Variants in PCDH9 observed in about 807,000 individuals in gnomAD.
The protein encoded by PCDH9 is protocadherin-9.
PCDH9 carries 24 observed loss-of-function variants against 70.6 expected under a neutral mutation model. The observed-to-expected ratio is 0.34, with a 90% confidence interval of 0.25 to 0.48. PCDH9 has a LOEUF of 0.48. Ranked by LOEUF, PCDH9 falls within the 20% of genes least tolerant of loss-of-function variation. The pLI, the probability that PCDH9 is intolerant of heterozygous loss-of-function variation, is 0.99. For missense variants in PCDH9, 1,281 were observed against 1,503.6 expected (o/e 0.85, Z 2.45); for synonymous variants, 562 against 558.5 (o/e 1.01, Z -0.09).
chr13:66,482,123 A>G (rs895769205), intron 4 of PCDH9, among the ~76,000 whole-genome samples: 6 of 152,162 alleles, frequency 3.9e-5, no homozygotes, highest in Non-Finnish European at 7.3e-5. Flanking sequence ...GGCACATGTA[A>G]CAGTAACAAT....
chr13:67,089,513 C>T (rs2086174652), intron 2 of PCDH9, among the ~76,000 whole-genome samples: 1 of 151,794 alleles, frequency 6.6e-6, no homozygotes, highest in Non-Finnish European at 1.5e-5. Context: ...TTGCATTAGG[C>T]CATGAATACA....
intron 2 of PCDH9, among the ~76,000 whole-genome samples, chr13:66,944,363 T>G (rs2139688405): frequency 6.6e-6 from 1 of 152,314 alleles, no homozygotes; most frequent in South Asian, 2.1e-4. Context: ...TTTTCATAAA[T>G]ATTTTCAGCT....
intron 4 of PCDH9, among the ~76,000 whole-genome samples, chr13:66,374,514 T>C (rs1956716057): frequency 2.0e-5 from 3 of 152,026 alleles, no homozygotes; most frequent in Non-Finnish European, 4.4e-5. Flanking sequence ...TACACGTTAT[T>C]TAATTTAATT....
intron 4 of PCDH9, among the ~76,000 whole-genome samples, chr13:66,355,149 G>C (rs7329026): frequency 6.6e-6 from 1 of 151,960 alleles, no homozygotes; most frequent in Non-Finnish European, 1.5e-5. Context: ...TCTCACCTTA[G>C]TAATGGCCTT....
intron 2 of PCDH9, among the ~76,000 whole-genome samples, chr13:67,117,988 C>G (rs190463627): frequency 1.3e-5 from 2 of 152,134 alleles, no homozygotes; most frequent in East Asian, 3.9e-4. Context: ...AGTGTAACAT[C>G]GCTCCATAAA....
intron 2 of PCDH9, among the ~76,000 whole-genome samples, chr13:67,094,782 G>C (rs547413706): frequency 2.0e-5 from 3 of 151,366 alleles, no homozygotes; most frequent in Non-Finnish European, 4.4e-5. Context: ...TCTAAATCTT[G>C]TGAATTTTCT....
chr13:66,770,132 G>A (rs1399102021), intron 3 of PCDH9, among the ~76,000 whole-genome samples: 1 of 151,962 alleles, frequency 6.6e-6, no homozygotes, highest in African/African-American at 2.4e-5. Flanking sequence ...TTAGGATAAA[G>A]GCAGAAACAA....
chr13:66,946,693 T>C (rs549448288), intron 2 of PCDH9, among the ~76,000 whole-genome samples: 3 of 152,048 alleles, frequency 2.0e-5, no homozygotes, highest in South Asian at 4.1e-4. Context: ...AAAGGCTTTA[T>C]GGATTTTATG....
intron 4 of PCDH9, among the ~76,000 whole-genome samples, chr13:66,315,828 C>T (rs528780576): frequency 1.3e-5 from 2 of 152,326 alleles, no homozygotes; most frequent in South Asian, 4.1e-4. Context: ...ATTTTCTCAA[C>T]ATTCTATTCA....
At chr13:66,537,173 G>C (rs1960741725) in intron 4 of PCDH9, among the ~76,000 whole-genome samples, 1 of 152,040 alleles carries the variant, frequency 6.6e-6, no homozygotes, top group Admixed American at 6.6e-5. Flanking sequence ...GCCTCGATGA[G>C]AACCACTAGT....
intron 3 of PCDH9, among the ~76,000 whole-genome samples, chr13:66,745,981 C>G (rs2079356610): frequency 6.6e-6 from 1 of 152,152 alleles, no homozygotes; most frequent in Non-Finnish European, 1.5e-5. Flanking sequence ...GTTTCCCCAA[C>G]ATGTGTATTG....
At chr13:66,954,794 C>T (rs2083241298) in intron 2 of PCDH9, among the ~76,000 whole-genome samples, 1 of 152,190 alleles carries the variant, frequency 6.6e-6, no homozygotes, top group Admixed American at 6.5e-5. Context: ...GACGGAGTCT[C>T]GCTCTGTCAC....
At chr13:66,597,127 T>C (rs971162038) in intron 4 of PCDH9, among the ~76,000 whole-genome samples, 7 of 151,722 alleles carry the variant, frequency 4.6e-5, no homozygotes, top group Non-Finnish European at 1.0e-4. Context: ...AACTAGTCAA[T>C]GGATAGACAT....
At chr13:67,104,342 G>A (rs919328302) in intron 2 of PCDH9, among the ~76,000 whole-genome samples, 6 of 152,148 alleles carry the variant, frequency 3.9e-5, no homozygotes, top group African/African-American at 9.7e-5. Context: ...AGGGCTCTTA[G>A]ACACGTGGAG....
chr13:66,737,497 G>A (rs182658715), intron 3 of PCDH9, among the ~76,000 whole-genome samples: 2 of 152,226 alleles, frequency 1.3e-5, no homozygotes, highest in Admixed American at 6.5e-5. Context: ...GAGGAGCCAA[G>A]ATGGCCGAAT....
At chr13:67,209,201 C>G (rs934372711) in intron 2 of PCDH9, 7 of 152,138 alleles carry the variant, frequency 4.6e-5, no homozygotes, top group Non-Finnish European at 1.0e-4. Context: ...GCACCACATA[C>G]TTCCGATGTC....
intron 2 of PCDH9, among the ~76,000 whole-genome samples, chr13:67,034,459 C>A (rs1356272117): frequency 2.0e-5 from 3 of 152,052 alleles, no homozygotes; most frequent in East Asian, 3.9e-4. Flanking sequence ...CTCTTAGAGT[C>A]GAAATATATA....
chr13:67,078,578 A>G (rs192731334), intron 2 of PCDH9, among the ~76,000 whole-genome samples: 223 of 152,278 alleles, frequency 1.5e-3, no homozygotes, highest in African/African-American at 5.1e-3. Flanking sequence ...ATGTGGCCAT[A>G]AAATGGTAAG....
chr13:66,608,790 A>C (rs1381751195), intron 4 of PCDH9, among the ~76,000 whole-genome samples: 1 of 152,168 alleles, frequency 6.6e-6, no homozygotes, highest in East Asian at 1.9e-4. Flanking sequence ...AGAGAGCAAC[A>C]GTTCTTAATA....
Sources: gnomAD v4.1 joint callset for allele counts (sites outside exome capture counted in the v4.1 genomes callset) on GRCh38, gnomAD v4.1.1 for gene constraint, MANE v1.5 for transcripts, NCBI Gene and HGNC (gene_info 2026-07-23, HGNC 2026-07-21) for gene names.